BCAR3: variants seen among roughly 807,000 people sequenced by gnomAD.
BCAR3 encodes breast cancer anti-estrogen resistance protein 3.
In BCAR3, 37 loss-of-function variants were observed where a neutral mutation model predicts 80.1. The ratio of observed to expected loss-of-function variants is 0.46; its 90% CI spans 0.36 to 0.61. The LOEUF is 0.61. Ranked by LOEUF, BCAR3 falls within the 20% of genes least tolerant of loss-of-function variation. The pLI, the probability that BCAR3 is intolerant of heterozygous loss-of-function variation, is 0.00. For synonymous variants in BCAR3, 389 were observed against 418.9 expected (o/e 0.93, Z 0.87); for missense variants, 978 against 1,068.2 (o/e 0.92, Z 1.18).
chr1:93,693,769 A>G (rs1456281328), intron 3 of BCAR3, among the ~76,000 whole-genome samples: 1 of 152,142 alleles, frequency 6.6e-6, no homozygotes, highest in Non-Finnish European at 1.5e-5. Context: ...GATTTTGGTG[A>G]CTAGTAGGGG....
At chr1:93,779,786 A>G (rs1469103153) in intron 2 of BCAR3, among the ~76,000 whole-genome samples, 2 of 152,170 alleles carry the variant, frequency 1.3e-5, no homozygotes, top group Non-Finnish European at 2.9e-5. Flanking sequence ...AGGGAATGGT[A>G]TGTGGCAGCT....
intron 3 of BCAR3, among the ~76,000 whole-genome samples, chr1:93,611,550 A>G (rs780830659): frequency 1.3e-5 from 2 of 152,220 alleles, no homozygotes; most frequent in Non-Finnish European, 2.9e-5. Flanking sequence ...CATGACCCTC[A>G]ACATGGCTGG....
At chr1:93,678,112 TC>T (rs1444744171) in intron 1 of BCAR3, among the ~76,000 whole-genome samples, 3 of 152,156 alleles carry the variant, frequency 2.0e-5, no homozygotes, top group African/African-American at 7.2e-5. Flanking sequence ...GCTTTTAAAA[TC>T]CTGATGCCCA....
At chr1:93,753,783 A>C (rs574918944) in intron 2 of BCAR3, 3 of 151,844 alleles carry the variant, frequency 2.0e-5, no homozygotes, top group African/African-American at 7.3e-5. Context: ...AATGTGACTT[A>C]AATCACAGGA....
At chr1:93,843,317 C>T (rs993178926) in intron 2 of BCAR3, among the ~76,000 whole-genome samples, 1 of 152,184 alleles carries the variant, frequency 6.6e-6, no homozygotes, top group Non-Finnish European at 1.5e-5. Context: ...GATGCTGTAT[C>T]TGTACTGTCC....
intron 3 of BCAR3, chr1:93,613,742 C>T: frequency 1.5e-6 from 2 of 1,370,542 alleles, no homozygotes; most frequent in Non-Finnish European, 2.0e-6. Context: ...TCTGTTTTCA[C>T]AATCAGCAAG....
At chr1:93,797,429 G>T (rs1176534474) in intron 2 of BCAR3, among the ~76,000 whole-genome samples, 1 of 152,028 alleles carries the variant, frequency 6.6e-6, no homozygotes, top group Non-Finnish European at 1.5e-5. Context: ...TTACAATTTA[G>T]TTTGTTTGGA....
intron 2 of BCAR3, among the ~76,000 whole-genome samples, chr1:93,726,353 A>C (rs1216369967): frequency 6.6e-6 from 1 of 152,178 alleles, no homozygotes; most frequent in Admixed American, 6.5e-5. Context: ...GATTACAGGC[A>C]TGAGCCACCG....
intron 3 of BCAR3, among the ~76,000 whole-genome samples, chr1:93,640,950 T>C (rs573265614): frequency 1.1e-4 from 16 of 152,324 alleles, no homozygotes; most frequent in African/African-American, 3.8e-4. Context: ...AGAGTGCATT[T>C]TTTGTTAAGT....
intron 2 of BCAR3, among the ~76,000 whole-genome samples, chr1:93,737,360 C>T (rs1173930939): frequency 1.3e-5 from 2 of 151,974 alleles, no homozygotes; most frequent in African/African-American, 4.8e-5. Context: ...CGGGAGGGCC[C>T]TAAATCTAGT....
intron 2 of BCAR3, among the ~76,000 whole-genome samples, chr1:93,658,026 C>T (rs920230851): frequency 1.3e-5 from 2 of 151,896 alleles, no homozygotes; most frequent in Admixed American, 6.6e-5. Flanking sequence ...CTGTAACCTC[C>T]GCCTCCTGGG....
At chr1:93,776,127 A>G (rs1024923614) in intron 2 of BCAR3, among the ~76,000 whole-genome samples, 2 of 152,242 alleles carry the variant, frequency 1.3e-5, no homozygotes, top group African/African-American at 4.8e-5. Flanking sequence ...GAAGATCTCA[A>G]TGAGGCTGAG....
chr1:93,693,577 C>T (rs563855379), intron 3 of BCAR3, among the ~76,000 whole-genome samples: 1 of 152,176 alleles, frequency 6.6e-6, no homozygotes, highest in Non-Finnish European at 1.5e-5. Flanking sequence ...GTTTCTGTTT[C>T]TTATTTCAGA....
chr1:93,666,936 T>G (rs1647945786), intron 2 of BCAR3, among the ~76,000 whole-genome samples: 1 of 152,112 alleles, frequency 6.6e-6, no homozygotes, highest in Non-Finnish European at 1.5e-5. Context: ...ATTAGGCACC[T>G]CCCAGCTCTA....
chr1:93,753,543 TACACAC>T (rs5776188), intron 2 of BCAR3: 36,670 of 137,320 alleles, frequency 0.27, 5,211 homozygotes, highest in South Asian at 0.42. Flanking sequence ...TGCACGCGGG[TACACAC>T]ACACACACAC....
intron 2 of BCAR3, among the ~76,000 whole-genome samples, chr1:93,829,430 T>C (rs1329217377): frequency 6.6e-6 from 1 of 152,184 alleles, no homozygotes; most frequent in Non-Finnish European, 1.5e-5. Flanking sequence ...CTTCCAGCTG[T>C]CTGCATTTAC....
At chr1:93,588,928 T>G in intron 5 of BCAR3, 49 bp downstream of exon 5, 2 of 1,489,032 alleles carry the variant, frequency 1.3e-6, no homozygotes, top group Non-Finnish European at 1.8e-6. Context: ...TAACTAACCT[T>G]GGGCACCCCG....
chr1:93,602,161 G>T (rs1326990969), intron 3 of BCAR3: 4 of 151,674 alleles, frequency 2.6e-5, no homozygotes, highest in African/African-American at 4.8e-5. Flanking sequence ...CTCCCAGGCT[G>T]GAGTGCAGTG....
At chr1:93,630,234 G>A (rs752901274) in intron 3 of BCAR3, among the ~76,000 whole-genome samples, 52 of 152,128 alleles carry the variant, frequency 3.4e-4, no homozygotes, top group Middle Eastern at 3.4e-3. Context: ...TAAAATAAAC[G>A]CCCTTGTGCA....
Sources: allele counts gnomAD v4.1 joint callset (sites outside exome capture counted in the v4.1 genomes callset), GRCh38; gene constraint gnomAD v4.1.1; transcripts MANE v1.5; gene names NCBI Gene and HGNC (gene_info 2026-07-23, HGNC 2026-07-21).